The following PLEC variants were observed in gnomAD, a reference collection of about 807,000 sequenced individuals.
PLEC encodes the protein plectin, also known as hemidesmosomal protein 1.
Under a neutral mutation model 392.8 loss-of-function variants are expected in PLEC, and 216 were observed. That is an observed-to-expected ratio of 0.55 (90% confidence interval 0.49 to 0.62). The LOEUF (loss-of-function observed/expected upper bound fraction) is 0.62. PLEC is among the 20% of genes least tolerant of loss of function. PLEC has a pLI of 0.00. For missense variants in PLEC, 6,863 were observed against 6,563.4 expected (o/e 1.05, Z -1.58); for synonymous variants, 3,621 against 2,980.6 (o/e 1.21, Z -7.00).
At chr8:143,959,114 G>A (rs1832745075) in intron 1 of PLEC, among the ~76,000 whole-genome samples, 1 of 152,238 alleles carries the variant, frequency 6.6e-6, no homozygotes, top group Non-Finnish European at 1.5e-5. Context: ...AGGCTGCTGA[G>A]GGGAGGGCGT....
In PLEC at chr8:143,916,630, C is replaced by T. The variant is rs1820668468; in HGVS notation, c.13191G>A (p.Leu4397=). 5 of 1,610,212 alleles carry T rather than the reference C, an allele frequency of 3.1e-6. No homozygotes were observed. The highest frequency in any genetic ancestry group is 3.4e-6 in the Non-Finnish European group (4 of 1,178,968). ...FLEVQYLTGG[L]IEPDTPGRVP... is the part of the protein sequence containing the mutation. Reference sequence around the variant, plus strand: ...CGCGGCCCGGCGTGTCGGGCTCGATCAAGCCGCCGGTCAGGTACTGCACCT... The same window carrying T: ...CGCGGCCCGGCGTGTCGGGCTCGATTAAGCCGCCGGTCAGGTACTGCACCT... Residue 4397 remains leucine, a synonymous_variant, in exon 32 of 32, where the codon TTG becomes TTA. Coordinates refer to ENST00000345136, the MANE Select transcript of PLEC (RefSeq NM_201384.3).
In PLEC at chr8:143,925,032, G is replaced by A. The variant is rs782816453; in HGVS notation, c.4897C>T (p.Arg1633Cys). The A allele has an allele frequency of 1.7e-5, 26 of 1,561,930 alleles. No individual in the cohort carries two copies. Among genetic ancestry groups the A allele is most frequent in the East Asian group, 2.3e-5 (1 of 42,648 alleles). The part of the protein sequence containing the change: ...AREEAERELE[R>C]WQLKANEALR... Reference sequence around the variant, plus strand: ...GCCTCGTTGGCCTTGAGCTGCCAGCGCTCCAGCTCCCGCTCTGCCTCCTCG... The same window carrying A: ...GCCTCGTTGGCCTTGAGCTGCCAGCACTCCAGCTCCCGCTCTGCCTCCTCG... The change falls in exon 31 of 32, where the codon CGC becomes TGC. Residue 1633 changes from arginine (R) to cysteine (C), a missense_variant. Arg to Cys is a radical substitution (Grantham distance 180). Transcript: ENST00000345136.
rs1314775580 is a variant in PLEC, at chr8:143,917,872, C to T, written c.11949G>A (p.Leu3983=). The change falls in exon 32 of 32, where the codon CTG becomes CTA. Residue 3983 remains leucine (L), a synonymous_variant. Transcript: ENST00000345136. ...GCACAGCCTCCTCCACCGTCAGCTT[C>T]AGTCCCTTGATGGGGTCGATGACGT... ...TGYVIDPIKG[L]KLTVEEAVRM... 8 of 1,613,238 alleles carry T rather than the reference C, an allele frequency of 5.0e-6. No homozygotes were observed. The highest frequency in any genetic ancestry group is 6.8e-6 in the Non-Finnish European group (8 of 1,180,006).
rs782007294 is a variant in PLEC, at chr8:143,921,476, G to C, written c.8345C>G (p.Thr2782Ser). 6.2e-7 allele frequency: 1 copy of C among 1,613,200 alleles called. No individual in the cohort carries two copies. Among genetic ancestry groups the C allele is most frequent in the Non-Finnish European group, 8.5e-7 (1 of 1,179,848 alleles). The change falls in exon 32 of 32, where the codon ACT becomes AGT. Residue 2782 changes from threonine to serine, a missense_variant. Coordinates refer to ENST00000345136, the MANE Select transcript of PLEC (RefSeq NM_201384.3). ...RAVTGYKDPY[T>S]GQQISLFQAM... ...TTGGAAGAGAGAGATCTGCTGGCCA[G>C]TGTAGGGGTCCTTGTAGCCAGTGAC...
chr8:143,934,279 C>T (rs1198332584), intron 11 of PLEC, 39 bp downstream of exon 11: 1 of 1,609,736 alleles, frequency 6.2e-7, no homozygotes, highest in African/African-American at 1.3e-5. Flanking sequence ...AGTGACACAC[C>T]CTCGGGTGGT....
In PLEC at chr8:143,930,431, G is replaced by A. The variant is rs201194946; in HGVS notation, c.2410C>T (p.Arg804Trp). 1.7e-4 allele frequency: 264 copies of A among 1,573,544 alleles called. 2 individuals are homozygous for A. Among genetic ancestry groups the A allele is most frequent in the South Asian group, 1.3e-3 (117 of 86,760 alleles). The change falls in exon 20 of 32, where the codon CGG becomes TGG. Residue 804 changes from arginine (R) to tryptophan (W), a missense_variant. Transcript: ENST00000345136. ...ACGGCCAGCAGGGGCAGGCGGCCCC[G>A]CATGGGGTGGGCTGGGTGGCGGGGC... is the stretch of plus-strand genomic sequence containing the variant. ...LKPRHPAHPM[R>W]GRLPLLAVCD... is the part of the protein sequence containing the mutation.
At position 143,927,639 on chromosome 8, in the gene PLEC, C is replaced by T. The variant is rs782533009; in HGVS notation, c.3527G>A (p.Arg1176His). 5.6e-5 allele frequency: 89 copies of T among 1,586,096 alleles called. No homozygotes were observed. The highest frequency in any genetic ancestry group is 3.1e-4 in the Admixed American group (18 of 58,656). The change falls in exon 27 of 32, where the codon CGC (arginine) becomes CAC (histidine). Residue 1176 changes from arginine to histidine, a missense_variant. By Grantham distance (29) the Arg-to-His change is conservative. Transcript: ENST00000345136. ...RHGERDVEVE[R>H]WRERVAQLLE... ...CAACTGGGCGACCCGCTCCCGCCAGCGCTCCACCTCCACGTCCCGCTCCCC... is the reference window on the plus strand; with the variant it reads ...CAACTGGGCGACCCGCTCCCGCCAGTGCTCCACCTCCACGTCCCGCTCCCC...
chr8:143,954,030 A>C (rs1832452219), upstream of PLEC: 1 of 840,794 alleles, frequency 1.2e-6, no homozygotes, highest in African/African-American at 1.8e-5. The surrounding 1 kb of genome is among the most constrained non-coding windows in gnomAD (Gnocchi z 4.6). Flanking sequence ...CCAGACTGCC[A>C]GGTCACCAGG....
At chr8:143,944,592 CCT>C (rs1482316449), upstream of PLEC, 106 of 1,127,708 alleles carry the variant, frequency 9.4e-5, no homozygotes, top group Non-Finnish European at 1.2e-4. Context: ...CCCTCTGGCC[CCT>C]GTCCCCAGCA....
upstream of PLEC, among the ~76,000 whole-genome samples, chr8:143,942,987 G>C (rs1489625021): frequency 6.6e-6 from 1 of 152,200 alleles, no homozygotes. Flanking sequence ...GGGAGGCAGG[G>C]ACAGTGTCTG....
upstream of PLEC, among the ~76,000 whole-genome samples, chr8:143,976,136 C>T (rs1036484825): frequency 1.4e-4 from 21 of 152,248 alleles, no homozygotes; most frequent in Non-Finnish European, 2.1e-4. Context: ...GGGAGCTCTG[C>T]TGCAGCGAGG....
chr8:143,933,830 C>G (rs1284722957), intron 12 of PLEC, among the ~76,000 whole-genome samples, 168 bp downstream of exon 12: 1 of 152,204 alleles, frequency 6.6e-6, no homozygotes, highest in Non-Finnish European at 1.5e-5. Context: ...TAGCTGCACA[C>G]GAGGAGGGAG....
In PLEC at chr8:143,923,820, G is replaced by T. The variant is rs868945104; in HGVS notation, c.6109C>A (p.Gln2037Lys). The change falls in exon 31 of 32, where the codon CAG becomes AAG. Residue 2037 changes from glutamine to lysine, a missense_variant. Transcript: ENST00000345136. ...RAEQESARQL[Q>K]LAQEAAQKRL... ...TTCTGGGCGGCCTCCTGGGCCAGCT[G>T]CAGCTGCCGCGCCGACTCCTGCTCC... 8.2e-6 allele frequency: 13 copies of T among 1,583,540 alleles called. No homozygotes were observed. Among genetic ancestry groups the T allele is most frequent in the Non-Finnish European group, 1.1e-5 (13 of 1,172,990 alleles).
rs1267824379 is a variant in PLEC at position 143,915,340 on chromosome 8, C to G, written c.*837G>C. 6.6e-6 allele frequency: 1 copy of G among 152,428 alleles called. No homozygotes were observed. Among genetic ancestry groups the G allele is most frequent in the Non-Finnish European group, 1.5e-5 (1 of 68,110 alleles). The allele number at this position is 152,428 out of a possible 1,614,324, so 9.4% of individuals were successfully genotyped here. The stretch of plus-strand genomic sequence containing the variant: ...TCGCTGCTGAGACCAGGGCTGGGTG[C>G]AACAGGAGGGTCAGCACAGAGCCTG... On this transcript the variant is annotated 3_prime_UTR_variant, in exon 32 of 32. Transcript: ENST00000345136.
chr8:143,950,404 G>A, exon 1 of PLEC: 1 of 1,606,120 alleles, frequency 6.2e-7, no homozygotes, highest in Non-Finnish European at 8.5e-7. Flanking sequence ...CGACGGGGCG[G>A]CGCACGCGCT....
rs782738765 is a variant in PLEC at position 143,923,310 on chromosome 8, C to G, written c.6619G>C (p.Glu2207Gln). Reference protein sequence around the residue: ...ETDHQKNLLDEELQRLKAEAT... With the variant: ...ETDHQKNLLDQELQRLKAEAT... ...TCCGCCTTCAGCCGCTGCAGCTCCT[C>G]GTCCAGCAGGTTCTTCTGGTGGTCG... is the stretch of plus-strand genomic sequence containing the variant. Residue 2207 changes from glutamate (E) to glutamine (Q), a missense_variant, in exon 31 of 32, where the codon GAG (glutamate) becomes CAG (glutamine). Transcript: ENST00000345136. The G allele has an allele frequency of 6.2e-7, 1 of 1,609,458 alleles. No homozygotes were observed. The highest frequency in any genetic ancestry group is 1.7e-5 in the Admixed American group (1 of 59,890).
In PLEC at chr8:143,932,681, T is replaced by C; in HGVS notation, c.1769A>G (p.Tyr590Cys). Reference sequence around the variant, plus strand: ...GTCCAGCCGACCCAGGCAGTCACGGTAGGCACCCCGGGTGGCGGGGGAGAG... The same window carrying C: ...GTCCAGCCGACCCAGGCAGTCACGGCAGGCACCCCGGGTGGCGGGGGAGAG... The part of the protein sequence containing the change: ...GQLSPATRGA[Y>C]RDCLGRLDLQ... Residue 590 changes from tyrosine (Y) to cysteine (C), a missense_variant, in exon 15 of 32, where the codon TAC (tyrosine) becomes TGC (cysteine). Tyr to Cys is a radical substitution (Grantham distance 194). Coordinates refer to ENST00000345136, the MANE Select transcript of PLEC (RefSeq NM_201384.3). The C allele has an allele frequency of 1.2e-6, 2 of 1,609,888 alleles. No homozygotes were observed. The highest frequency in any genetic ancestry group is 1.7e-6 in the Non-Finnish European group (2 of 1,178,778).
At chr8:143,974,598 C>A (rs2133001323), upstream of PLEC, among the ~76,000 whole-genome samples, 1 of 152,346 alleles carries the variant, frequency 6.6e-6, no homozygotes, top group Non-Finnish European at 1.5e-5. The surrounding 1 kb of genome is among the most constrained non-coding windows in gnomAD (Gnocchi z 5.9). Flanking sequence ...TCCCTGCCCT[C>A]CGGCTGGAAC....
intron 25 of PLEC, 95 bp from the exon 26 acceptor site, chr8:143,928,087 G>C: frequency 6.9e-7 from 1 of 1,455,142 alleles, no homozygotes; most frequent in Admixed American, 2.2e-5. Context: ...GGTGCTGCCT[G>C]CCAAGCCCAG....
Sources: gnomAD v4.1 joint callset for allele counts (sites outside exome capture counted in the v4.1 genomes callset) on GRCh38, gnomAD v4.1.1 for gene constraint, Gnocchi (gnomAD v3.1) non-coding constraint, MANE v1.5 for transcripts, NCBI Gene and HGNC (gene_info 2026-07-23, HGNC 2026-07-21) for gene names.